The following PAFAH2 variants were observed in gnomAD, a reference collection of about 807,000 sequenced individuals.
PAFAH2 encodes platelet-activating factor acetylhydrolase 2, cytoplasmic.
In PAFAH2, 42 loss-of-function variants were observed where a neutral mutation model predicts 49.0. The ratio of observed to expected loss-of-function variants is 0.86; its 90% CI spans 0.67 to 1.11. The LOEUF is 1.11. Ranked by LOEUF, PAFAH2 falls within the 50% of genes least tolerant of loss-of-function variation. The pLI is 0.00. For synonymous variants in PAFAH2, 184 were observed against 181.3 expected, an observed-to-expected ratio of 1.01 and a Z score of -0.12; for missense variants, 503 against 501.8, an observed-to-expected ratio of 1.00 and a Z score of -0.02.
At chr1:25,963,524 G>C (rs1181304878) in intron 10 of PAFAH2, among the ~76,000 whole-genome samples, 2 of 152,142 alleles carry the variant, frequency 1.3e-5, no homozygotes, top group East Asian at 3.9e-4. Flanking sequence ...TTTTTTCTTT[G>C]AGATGGAGTC....
intron 7 of PAFAH2, among the ~76,000 whole-genome samples, chr1:25,979,580 C>T (rs1448875279): frequency 1.3e-5 from 2 of 151,926 alleles, no homozygotes; most frequent in South Asian, 2.1e-4. Context: ...CTCTGCCTCC[C>T]GGGTACAAGC....
chr1:25,981,928 G>A (rs1322363070), intron 7 of PAFAH2, among the ~76,000 whole-genome samples: 1 of 152,100 alleles, frequency 6.6e-6, no homozygotes, highest in East Asian at 1.9e-4. Flanking sequence ...GGCTGAGGCA[G>A]GAGAATCGCT....
Position 25,982,448 on chromosome 1 carries a change from C to T in PAFAH2, c.582G>A (p.Arg194=), listed in dbSNP as rs770756885. Residue 194 remains arginine (R), a synonymous_variant, in exon 7 of 11, where the codon CGG becomes CGA. Transcript: ENST00000374282. ...TGACCTCTTGCAGGATCTTCAACAC[C>T]CGTAAACACTCGCTTACCCGCTGAT... ...QVHQRVSECL[R]VLKILQEVTA... is the part of the protein sequence containing the mutation. The T allele has an allele frequency of 6.2e-7, 1 of 1,614,074 alleles. No homozygotes were observed. The highest frequency in any genetic ancestry group is 1.7e-5 in the Admixed American group (1 of 60,012).
At position 25,990,761 on chromosome 1, in the gene PAFAH2, C is replaced by A; in HGVS notation, c.56G>T (p.Gly19Val). ...CTGACCCTCCATCACATCCCCACAGCCTACGAGGTGGGGTCCTGTGACAGG... is the reference window on the plus strand; with the variant it reads ...CTGACCCTCCATCACATCCCCACAGACTACGAGGTGGGGTCCTGTGACAGG... The part of the protein sequence containing the change: ...FPPVTGPHLV[G>V]CGDVMEGQNL... The change falls in exon 2 of 11, where the codon GGC (glycine) becomes GTC (valine). Residue 19 changes from glycine (G) to valine (V), a missense_variant. Coordinates refer to ENST00000374282, the MANE Select transcript of PAFAH2 (RefSeq NM_000437.4). 6.2e-7 allele frequency: 1 copy of A among 1,614,048 alleles called. No individual in the cohort carries two copies.
intron 4 of PAFAH2, among the ~76,000 whole-genome samples, chr1:25,984,998 G>A (rs987274742): frequency 6.6e-6 from 1 of 152,056 alleles, no homozygotes; most frequent in African/African-American, 2.4e-5. Flanking sequence ...GGGATTACAG[G>A]CGTGCACCAC....
rs575613976 is a variant in PAFAH2 at position 25,989,472 on chromosome 1, C to G, written c.220G>C (p.Gly74Arg). Residue 74 changes from glycine (G) to arginine (R), a missense_variant, in exon 3 of 11, where the codon GGC becomes CGC. By Grantham distance (125) the Gly-to-Arg change is moderately radical (BLOSUM62 -2). Coordinates refer to ENST00000374282, the MANE Select transcript of PAFAH2 (RefSeq NM_000437.4). Reference sequence around the variant, plus strand: ...CCCACCGCCAGGTTGAACAGCAAGCCCCCGCAGCGCTTATTAAACTGCAGG... The same window carrying G: ...CCCACCGCCAGGTTGAACAGCAAGCGCCCGCAGCGCTTATTAAACTGCAGG... ...EYLQFNKRCG[G>R]LLFNLAVGSC... 6.2e-7 allele frequency: 1 copy of G among 1,605,068 alleles called. No individual in the cohort carries two copies. The highest frequency in any genetic ancestry group is 8.5e-7 in the Non-Finnish European group (1 of 1,175,510).
At chr1:25,984,217 G>T in intron 5 of PAFAH2, 130 bp from the exon 6 acceptor site, 1 of 1,063,948 alleles carries the variant, frequency 9.4e-7, no homozygotes, top group Non-Finnish European at 1.4e-6. Context: ...GAGATCTGGG[G>T]CATGCATAGG....
Position 25,984,455 on chromosome 1 carries a change from C to T in PAFAH2, c.410+5G>A. On this transcript the variant is annotated splice_donor_5th_base_variant and intron_variant, in intron 5 of 10. Coordinates refer to ENST00000374282, the MANE Select transcript of PAFAH2 (RefSeq NM_000437.4). ...GCACCCAATCCATGGCGGCTCATCC[C>T]TCACCTGTGCTCTGGCACAGCAACC... is the stretch of plus-strand genomic sequence containing the variant. 6.2e-7 allele frequency: 1 copy of T among 1,611,920 alleles called. No individual in the cohort carries two copies. Among genetic ancestry groups the T allele is most frequent in the African/African-American group, 1.3e-5 (1 of 75,008 alleles).
At chr1:25,989,845 A>AG (rs1435717730) in intron 2 of PAFAH2, among the ~76,000 whole-genome samples, 5 of 152,170 alleles carry the variant, frequency 3.3e-5, no homozygotes, top group Non-Finnish European at 5.9e-5. Context: ...ACATTGTGGG[A>AG]GGGGGCACCA....
intron 7 of PAFAH2, among the ~76,000 whole-genome samples, chr1:25,980,080 G>T (rs1364496579): frequency 6.6e-6 from 1 of 152,218 alleles, no homozygotes; most frequent in Non-Finnish European, 1.5e-5. Flanking sequence ...CTCCCTGGAG[G>T]ATATTACCAA....
intron 10 of PAFAH2, among the ~76,000 whole-genome samples, chr1:25,969,385 A>T (rs1338580683): frequency 6.6e-6 from 1 of 152,196 alleles, no homozygotes; most frequent in African/African-American, 2.4e-5. Context: ...CTGAGTGCCT[A>T]CTGTGGCCAT....
At position 25,962,074 on chromosome 1, in the gene PAFAH2, TC is replaced by T; in HGVS notation, c.1093del (p.Glu365LysfsTer52). 1 of 1,613,224 alleles carries T rather than the reference TC, an allele frequency of 6.2e-7. No individual in the cohort carries two copies. Among genetic ancestry groups the T allele is most frequent in the Non-Finnish European group, 8.5e-7 (1 of 1,179,484 alleles). On this transcript the variant is annotated frameshift_variant, in exon 11 of 11. Transcript: ENST00000374282. LOFTEE classifies it high-confidence loss of function. ...AFLQKHLDLK[E>X]DYNQWNNLIE... ...AAGGTTGTTCCATTGATTATAGTCT[TC>T]TTTCAGGTCTGAAAAGGAAAAAAAC...
chr1:25,968,645 T>C (rs920266112), intron 10 of PAFAH2, among the ~76,000 whole-genome samples: 3 of 152,204 alleles, frequency 2.0e-5, no homozygotes, highest in Admixed American at 6.5e-5. Flanking sequence ...CAGCCTATTT[T>C]AGTTTCCCAT....
rs2049704799 is a variant in PAFAH2 at position 25,982,444 on chromosome 1, A to G, written c.586T>C (p.Leu196=). The change falls in exon 7 of 11, where the codon TTG becomes CTG. Residue 196 remains leucine (L), a synonymous_variant. Transcript: ENST00000374282. ...HQRVSECLRV[L]KILQEVTAGQ... ...GCAGTGACCTCTTGCAGGATCTTCA[A>G]CACCCGTAAACACTCGCTTACCCGC... 1.2e-6 allele frequency: 2 copies of G among 1,613,960 alleles called. No individual in the cohort carries two copies. The highest frequency in any genetic ancestry group is 1.7e-6 in the Non-Finnish European group (2 of 1,179,976).
chr1:25,991,983 G>A lies in PAFAH2; in HGVS notation c.-47-1120C>T, dbSNP rs541170129. Among the ~76,000 whole-genome samples, 3 of 152,284 alleles carry A rather than the reference G, an allele frequency of 2.0e-5. No homozygotes were observed. In the East Asian group the frequency reaches 5.8e-4, roughly 29 times the overall value. ...GAATAACCTTCCCAAGTTACCCAGTGGCAAACCCATCTCTGCCTAATCCGG... is the reference window on the plus strand; with the variant it reads ...GAATAACCTTCCCAAGTTACCCAGTAGCAAACCCATCTCTGCCTAATCCGG... On this transcript the variant is annotated intron_variant, in intron 1 of 10. Coordinates refer to ENST00000374282, the MANE Select transcript of PAFAH2 (RefSeq NM_000437.4).
At chr1:25,994,376 C>T (rs1272058550) in intron 1 of PAFAH2, among the ~76,000 whole-genome samples, 1 of 152,058 alleles carries the variant, frequency 6.6e-6, no homozygotes, top group Non-Finnish European at 1.5e-5. Context: ...AGCGATAATC[C>T]TGCCTTAGCC....
At chr1:25,985,523 C>T (rs879425661) in intron 4 of PAFAH2, among the ~76,000 whole-genome samples, 16 of 152,158 alleles carry the variant, frequency 1.1e-4, no homozygotes, top group Admixed American at 4.6e-4. Context: ...AGTGTGAAGT[C>T]TCAATACAGA....
At chr1:25,982,285 C>T in intron 7 of PAFAH2, 79 bp downstream of exon 7, 1 of 1,019,410 alleles carries the variant, frequency 9.8e-7, no homozygotes, top group Non-Finnish European at 1.5e-6. Context: ...TGGTTCATAC[C>T]AGTTAGTTAG....
At chr1:25,971,090 G>T (rs1406457405) in intron 10 of PAFAH2, among the ~76,000 whole-genome samples, 1 of 152,098 alleles carries the variant, frequency 6.6e-6, no homozygotes, top group Non-Finnish European at 1.5e-5. Context: ...GGCTTCTATG[G>T]GTAGCTCTTG....
Sources: gnomAD v4.1 joint callset for allele counts (sites outside exome capture counted in the v4.1 genomes callset) on GRCh38, gnomAD v4.1.1 for gene constraint, MANE v1.5 for transcripts, NCBI Gene and HGNC (gene_info 2026-07-23, HGNC 2026-07-21) for gene names.